The following MDN1 variants were observed in gnomAD, a reference collection of about 807,000 sequenced individuals.
MDN1 encodes the protein midasin AAA ATPase 1.
MDN1 carries 266 observed loss-of-function variants against 669.2 expected under a neutral mutation model. That is an observed-to-expected ratio of 0.40 (90% CI 0.36 to 0.44). MDN1 has a LOEUF of 0.44. Among genes scored for constraint, MDN1 ranks in the 20% least tolerant of loss-of-function variants. MDN1 has a pLI of 1.00. For missense variants in MDN1, 5,940 were observed against 6,754.0 expected (o/e 0.88, Z 4.22); for synonymous variants, 2,385 against 2,457.1 (o/e 0.97, Z 0.87).
intron 13 of MDN1, among the ~76,000 whole-genome samples, chr6:89,774,072 C>A (rs1000542854): frequency 6.6e-6 from 1 of 151,998 alleles, no homozygotes; most frequent in Non-Finnish European, 1.5e-5. Context: ...CCTGTCGAAA[C>A]CTTGATTTTA....
chr6:89,740,177 G>A, intron 32 of MDN1, 57 bp downstream of exon 32: 2 of 1,572,228 alleles, frequency 1.3e-6, no homozygotes, highest in Non-Finnish European at 1.7e-6. Context: ...ATATTTACGA[G>A]TACCAGTAAG....
intron 23 of MDN1, 39 bp from the exon 24 acceptor site, chr6:89,750,571 A>C (rs2128318796): frequency 6.4e-7 from 1 of 1,556,084 alleles, no homozygotes; most frequent in South Asian, 1.1e-5. Flanking sequence ...TAAAACAACA[A>C]AAAATTACAA....
At chr6:89,723,241 A>C in intron 39 of MDN1, 98 bp from the exon 40 acceptor site, 1 of 1,181,758 alleles carries the variant, frequency 8.5e-7, no homozygotes, top group Non-Finnish European at 1.2e-6. Flanking sequence ...TGTAATCTGA[A>C]ACAAAAATTA....
chr6:89,809,828 T>TAAAAC (rs1768267476), intron 1 of MDN1, among the ~76,000 whole-genome samples: 1 of 129,134 alleles, frequency 7.7e-6, no homozygotes. Context: ...TAAAATAAAA[T>TAAAAC]AAAATAAAAA....
At position 89,728,922 on chromosome 6, in the gene MDN1, C is replaced by T. The variant is rs762620874; in HGVS notation, c.5349+9G>A. 93 of 1,612,026 alleles carry T rather than the reference C, an allele frequency of 5.8e-5. No homozygotes were observed. The highest frequency in any genetic ancestry group is 7.3e-5 in the Non-Finnish European group (86 of 1,178,742). ...CTATCTCCATCAGCTGTAGGATGAC[C>T]GAGCTTACCGTTTGCTCTGATAAGT... On this transcript the variant is annotated intron_variant, in intron 36 of 101. Coordinates refer to ENST00000369393, the MANE Select transcript of MDN1 (RefSeq NM_014611.3).
chr6:89,793,455 G>A (rs1005561875), intron 5 of MDN1, among the ~76,000 whole-genome samples: 10 of 152,204 alleles, frequency 6.6e-5, no homozygotes, highest in South Asian at 2.1e-4. Context: ...GCTCACGCCT[G>A]TAATCCCAAC....
rs186537478 is a variant in MDN1, at chr6:89,689,129, G to A, written c.11024-321C>T. Among the ~76,000 whole-genome samples, 186 of 152,372 alleles carry A rather than the reference G, an allele frequency of 1.2e-3. 2 individuals carry two copies. The highest frequency in any genetic ancestry group is 4.4e-3 in the African/African-American group (182 of 41,594). On this transcript the variant is annotated intron_variant, in intron 65 of 101. Transcript: ENST00000369393. ...TGCAGTGAGCTGAGATTGTGCCACT[G>A]CACTCCAGCCTGAGAAACAGAGCAT...
At chr6:89,804,928 C>T (rs966116218) in intron 1 of MDN1, among the ~76,000 whole-genome samples, 6 of 146,032 alleles carry the variant, frequency 4.1e-5, no homozygotes, top group South Asian at 2.2e-4. Flanking sequence ...CCCAGCTACT[C>T]GGGAGGCTGA....
intron 24 of MDN1, 22 bp downstream of exon 24, chr6:89,750,332 T>C (rs762463401): frequency 1.1e-5 from 18 of 1,581,164 alleles, no homozygotes; most frequent in Middle Eastern, 3.4e-4. Context: ...CCTATGTCCA[T>C]GGAATGGAAT....
intron 53 of MDN1, among the ~76,000 whole-genome samples, chr6:89,702,496 G>A (rs1289797824): frequency 2.0e-5 from 3 of 152,162 alleles, no homozygotes; most frequent in South Asian, 4.1e-4. Flanking sequence ...ATTCTATTCT[G>A]GTGGATGGTA....
chr6:89,779,123 G>A (rs1373380215), intron 11 of MDN1, among the ~76,000 whole-genome samples: 1 of 151,882 alleles, frequency 6.6e-6, no homozygotes, highest in Non-Finnish European at 1.5e-5. Context: ...GGTCTGCATG[G>A]AATAAGGGGG....
intron 9 of MDN1, among the ~76,000 whole-genome samples, chr6:89,783,988 A>T (rs1818817037): frequency 6.6e-6 from 1 of 151,916 alleles, no homozygotes; most frequent in African/African-American, 2.4e-5. Context: ...TCTCAAAAAA[A>T]AAAAAAAGAA....
chr6:89,800,748 A>G (rs1767597497), intron 2 of MDN1, among the ~76,000 whole-genome samples: 1 of 152,174 alleles, frequency 6.6e-6, no homozygotes, highest in Non-Finnish European at 1.5e-5. Flanking sequence ...ATGATAACCT[A>G]GACTTGAGAT....
intron 39 of MDN1, 135 bp downstream of exon 39, chr6:89,723,377 C>CA: frequency 8.9e-6 from 6 of 677,454 alleles, no homozygotes; most frequent in Non-Finnish European, 1.4e-5. Context: ...GTGTCCCTTC[C>CA]ACTAGAAACC....
rs1812447358 is a variant in MDN1 at position 89,692,605 on chromosome 6, G to C, written c.10425C>G (p.Ile3475Met). Residue 3475 changes from isoleucine to methionine, a missense_variant, in exon 63 of 102, where the codon ATC (isoleucine) becomes ATG (methionine). Ile to Met is a conservative substitution (Grantham distance 10). Around this residue, in one of 5 missense-constraint regions of MDN1, gnomAD observed 2,280 missense variants for 2,576.3 expected, o/e 0.88. Transcript: ENST00000369393. ...GCTCCTTTCCTCCTGAGCGCTTGAG[G>C]ATTAGCTTCCCAAGGCCTCGTAGAA... ...EEVLRGLGKLILKRSGGKELE... is the reference protein window; with the variant it reads ...EEVLRGLGKLMLKRSGGKELE... 1.9e-6 allele frequency: 3 copies of C among 1,614,118 alleles called. No individual in the cohort carries two copies. The highest frequency in any genetic ancestry group is 1.7e-6 in the Non-Finnish European group (2 of 1,180,040).
chr6:89,680,731 A>C lies in MDN1; in HGVS notation c.12123T>G (p.Cys4041Trp). The C allele has an allele frequency of 6.2e-7, 1 of 1,614,094 alleles. No homozygotes were observed. Among genetic ancestry groups the C allele is most frequent in the Non-Finnish European group, 8.5e-7 (1 of 1,179,990 alleles). The change falls in exon 74 of 102, where the codon TGT becomes TGG. Residue 4041 changes from cysteine (C) to tryptophan (W), a missense_variant. Coordinates refer to ENST00000369393, the MANE Select transcript of MDN1 (RefSeq NM_014611.3). ...CCAAGCCGGAAGGAGCAGCGCCCTGACACCACTCTGGAATTGTGGCCTGTG... is the reference window on the plus strand; with the variant it reads ...CCAAGCCGGAAGGAGCAGCGCCCTGCCACCACTCTGGAATTGTGGCCTGTG... ...AAGQATIPEW[C>W]QGAAPSGLEG...
chr6:89,728,717 G>A (rs1209425999), intron 36 of MDN1, among the ~76,000 whole-genome samples: 5 of 152,078 alleles, frequency 3.3e-5, no homozygotes, highest in African/African-American at 1.2e-4. Flanking sequence ...TGTAATCCCA[G>A]TGATTAGGGA....
intron 73 of MDN1, among the ~76,000 whole-genome samples, chr6:89,681,414 T>C (rs1296680053): frequency 6.6e-6 from 1 of 152,212 alleles, no homozygotes; most frequent in Non-Finnish European, 1.5e-5. Flanking sequence ...TCTCAAATGA[T>C]CTGCCTGCCT....
At chr6:89,740,134 T>C in intron 32 of MDN1, 100 bp downstream of exon 32, 2 of 1,361,320 alleles carry the variant, frequency 1.5e-6, no homozygotes, top group Non-Finnish European at 2.0e-6. Context: ...ACTTTTTACC[T>C]AACATAAAAT....
Sources: allele counts gnomAD v4.1 joint callset (sites outside exome capture counted in the v4.1 genomes callset), GRCh38; gene constraint gnomAD v4.1.1; regional missense constraint gnomAD v4.1.1; transcripts MANE v1.5; gene names NCBI Gene and HGNC (gene_info 2026-07-23, HGNC 2026-07-21).